Variants in MED9 observed in about 807,000 individuals in gnomAD.
MED9 encodes mediator of RNA polymerase II transcription subunit 9.
Under a neutral mutation model 13.2 loss-of-function variants are expected in MED9, and 8 were observed. The observed-to-expected ratio is 0.61, with a 90% CI of 0.36 to 1.10. The LOEUF is 1.10. Among genes scored for constraint, MED9 ranks in the 50% least tolerant of loss-of-function variants. The pLI, the probability that MED9 is intolerant of heterozygous loss-of-function variation, is 0.02. For synonymous variants in MED9, 87 were observed against 82.8 expected (o/e 1.05, Z -0.28); for missense variants, 180 against 193.4 (o/e 0.93, Z 0.41).
intron 1 of MED9, 141 bp from the exon 2 acceptor site, chr17:17,491,138 A>G: frequency 1.3e-6 from 1 of 768,032 alleles, no homozygotes; most frequent in Non-Finnish European, 2.1e-6. Flanking sequence ...GGGGGTGGAC[A>G]GCCTAGTCAG....
intron 1 of MED9, among the ~76,000 whole-genome samples, chr17:17,481,056 G>A (rs1241097707): frequency 1.3e-5 from 2 of 152,216 alleles, no homozygotes; most frequent in Non-Finnish European, 2.9e-5. Flanking sequence ...GCTTGGTGGT[G>A]TTGAGCATAC....
At chr17:17,480,213 G>A (rs1327500816) in intron 1 of MED9, among the ~76,000 whole-genome samples, 1 of 152,058 alleles carries the variant, frequency 6.6e-6, no homozygotes, top group Non-Finnish European at 1.5e-5. Context: ...CTGAAAAGAG[G>A]GATTAAGAGA....
In MED9 at chr17:17,491,798, T is replaced by G. The variant is rs1294783758; in HGVS notation, c.*303T>G. On this transcript the variant is annotated 3_prime_UTR_variant, in exon 2 of 2. Coordinates refer to ENST00000268711, the MANE Select transcript of MED9 (RefSeq NM_018019.3). ...GGGGTGGAGGACTCTCCCCTGCCTC[T>G]GGGGAGGGGGCCATCTGCTGCGCCC... The G allele has an allele frequency of 7.6e-6, 3 of 395,988 alleles. No individual in the cohort carries two copies. Among genetic ancestry groups the G allele is most frequent in the Non-Finnish European group, 1.4e-5 (3 of 209,338 alleles). The allele number at this position is 395,988 out of a possible 1,614,324, so 24.5% of individuals were successfully genotyped here.
At position 17,492,167 on chromosome 17, in the gene MED9, C is replaced by A. The variant is rs898006475; in HGVS notation, c.*672C>A. ...CCCCTGGCTCCAGGTTCCCTGCCTC[C>A]TAGCGCTCTCCTCGCCTTCAGCTCT... On this transcript the variant is annotated 3_prime_UTR_variant, in exon 2 of 2. Coordinates refer to ENST00000268711, the MANE Select transcript of MED9 (RefSeq NM_018019.3). 5.2e-5 allele frequency: 8 copies of A among 154,594 alleles called. No individual in the cohort carries two copies. The highest frequency in any genetic ancestry group is 1.9e-4 in the African/African-American group (8 of 41,470). 9.6% of individuals were successfully genotyped at this position (154,594 alleles called of 1,614,324 possible).
intron 1 of MED9, among the ~76,000 whole-genome samples, chr17:17,481,036 T>A (rs1249698868): frequency 6.6e-6 from 1 of 151,994 alleles, no homozygotes; most frequent in Non-Finnish European, 1.5e-5. Context: ...CTCATGGGAG[T>A]CAGCTTCTAG....
At position 17,483,109 on chromosome 17, in the gene MED9, C is replaced by A. The variant is rs1905059553; in HGVS notation, c.224+5844C>A. Among the ~76,000 whole-genome samples, 1 of 152,130 alleles carries A rather than the reference C, an allele frequency of 6.6e-6. No individual in the cohort carries two copies. Among genetic ancestry groups the A allele is most frequent in the Non-Finnish European group, 1.5e-5 (1 of 68,028 alleles). ...TGATGCTTTTGTTAATGGAACATTT[C>A]GTCTTTAATCTGCTTCTTTACTTCC... On this transcript the variant is annotated intron_variant, in intron 1 of 1. Coordinates refer to ENST00000268711, the MANE Select transcript of MED9 (RefSeq NM_018019.3). This position sits in a 1 kb window ranked among gnomAD's most constrained non-coding sequence, Gnocchi z 4.2.
At chr17:17,477,433 C>T (rs1904943619) in intron 1 of MED9, 168 bp downstream of exon 1, 1 of 706,176 alleles carries the variant, frequency 1.4e-6, no homozygotes, top group Admixed American at 3.2e-5. Flanking sequence ...AGAGACATTC[C>T]ATGAGTTAAG....
chr17:17,478,086 C>T (rs1004606793), intron 1 of MED9, among the ~76,000 whole-genome samples: 2 of 152,242 alleles, frequency 1.3e-5, no homozygotes, highest in African/African-American at 4.8e-5. Flanking sequence ...GCCTCAACCT[C>T]CTGGCCTCAA....
Position 17,491,827 on chromosome 17 carries a change from C to T in MED9, c.*332C>T. On this transcript the variant is annotated 3_prime_UTR_variant, in exon 2 of 2. Coordinates refer to ENST00000268711, the MANE Select transcript of MED9 (RefSeq NM_018019.3). Reference sequence around the variant, plus strand: ...GAGGGGGCCATCTGCTGCGCCCGGCCCCACTGACAGATCTGAAGAGCACAG... The same window carrying T: ...GAGGGGGCCATCTGCTGCGCCCGGCTCCACTGACAGATCTGAAGAGCACAG... 2.7e-6 allele frequency: 1 copy of T among 368,654 alleles called. No individual in the cohort carries two copies. Among genetic ancestry groups the T allele is most frequent in the South Asian group, 2.4e-5 (1 of 41,284 alleles). The allele number at this position is 368,654 out of a possible 1,614,324, so 22.8% of individuals were successfully genotyped here.
chr17:17,486,602 C>G (rs545043770), intron 1 of MED9: 13 of 155,948 alleles, frequency 8.3e-5, no homozygotes, highest in African/African-American at 2.9e-4. Context: ...CAGCAGGGCT[C>G]GGGACCTGCA....
At position 17,491,655 on chromosome 17, in the gene MED9, G is replaced by GGGAGCCAGCGCAGAGCTTGGCTGCGCC. The variant is rs1905232154; in HGVS notation, c.*163_*189dup. 1.4e-6 allele frequency: 1 copy of GGGAGCCAGCGCAGAGCTTGGCTGCGCC among 691,948 alleles called. No homozygotes were observed. Among genetic ancestry groups the GGGAGCCAGCGCAGAGCTTGGCTGCGCC allele is most frequent in the South Asian group, 1.8e-5 (1 of 54,438 alleles). The allele number at this position is 691,948 out of a possible 1,614,324, so 42.9% of individuals were successfully genotyped here. ...GCTGCTGCGCGCGCTTCGCCTGTGC[G>GGGAGCCAGCGCAGAGCTTGGCTGCGCC]GGAGCCAGCGCAGAGCTTGGCTGCG... On this transcript the variant is annotated 3_prime_UTR_variant, in exon 2 of 2. Coordinates refer to ENST00000268711, the MANE Select transcript of MED9 (RefSeq NM_018019.3).
rs1905243479 is a variant in MED9 at position 17,491,932 on chromosome 17, C to T, written c.*437C>T. ...ATAGGATCAGTGTGTACCAGGTACA[C>T]ATTGTTCCTGTTAACAGCAGCTTCT... is the stretch of plus-strand genomic sequence containing the variant. On this transcript the variant is annotated 3_prime_UTR_variant, in exon 2 of 2. Transcript: ENST00000268711. The T allele has an allele frequency of 4.6e-6, 1 of 215,294 alleles. No individual in the cohort carries two copies. The highest frequency in any genetic ancestry group is 9.5e-6 in the Non-Finnish European group (1 of 105,646). 13.3% of individuals were successfully genotyped at this position (215,294 alleles called of 1,614,324 possible).
chr17:17,478,815 C>T (rs1398501646), intron 1 of MED9, among the ~76,000 whole-genome samples: 1 of 151,808 alleles, frequency 6.6e-6, no homozygotes, highest in Non-Finnish European at 1.5e-5. Flanking sequence ...CGAGATCATG[C>T]CATTGCACTC....
At chr17:17,478,635 G>A (rs1031941486) in intron 1 of MED9, among the ~76,000 whole-genome samples, 1 of 152,140 alleles carries the variant, frequency 6.6e-6, no homozygotes, top group Non-Finnish European at 1.5e-5. Flanking sequence ...CAAGGCGGGC[G>A]GATCACGAGG....
chr17:17,481,192 G>A (rs993539786), intron 1 of MED9, among the ~76,000 whole-genome samples: 7 of 152,266 alleles, frequency 4.6e-5, no homozygotes, highest in Admixed American at 2.0e-4. Context: ...CAGTACTGGC[G>A]GGTGGAGATG....
chr17:17,491,385 C>A lies in MED9; in HGVS notation c.331C>A (p.Pro111Thr). 6.2e-7 allele frequency: 1 copy of A among 1,614,026 alleles called. No homozygotes were observed. Residue 111 changes from proline to threonine, a missense_variant, in exon 2 of 2, where the codon CCC becomes ACC. Coordinates refer to ENST00000268711, the MANE Select transcript of MED9 (RefSeq NM_018019.3). ...ISTMPGIHLS[P>T]EQQQQQLQSL... Reference sequence around the variant, plus strand: ...CACCATGCCCGGCATCCACCTGAGCCCCGAACAGCAGCAGCAGCAGCTGCA... The same window carrying A: ...CACCATGCCCGGCATCCACCTGAGCACCGAACAGCAGCAGCAGCAGCTGCA...
intron 1 of MED9, among the ~76,000 whole-genome samples, chr17:17,481,426 AG>A (rs1464733212): frequency 2.0e-5 from 3 of 152,242 alleles, no homozygotes; most frequent in Admixed American, 1.3e-4. Flanking sequence ...CAAGTTTAGA[AG>A]TACAGAGAAA....
At chr17:17,478,752 G>T (rs1345107141) in intron 1 of MED9, among the ~76,000 whole-genome samples, 2 of 152,042 alleles carry the variant, frequency 1.3e-5, no homozygotes. Context: ...AGCTACTCAG[G>T]AGGCTGAGGC....
chr17:17,487,766 G>A (rs1422192025), intron 1 of MED9: 1 of 152,616 alleles, frequency 6.6e-6, no homozygotes, highest in African/African-American at 2.4e-5. Flanking sequence ...TTCTAGTACA[G>A]TACAACCACC....
Sources: gnomAD v4.1 joint callset for allele counts (sites outside exome capture counted in the v4.1 genomes callset) on GRCh38, gnomAD v4.1.1 for gene constraint, Gnocchi (gnomAD v3.1) non-coding constraint, MANE v1.5 for transcripts, NCBI Gene and HGNC (gene_info 2026-07-23, HGNC 2026-07-21) for gene names.